EPHA3: variants seen among roughly 807,000 people sequenced by gnomAD.
EPHA3 encodes the protein ephrin type-A receptor 3.
In EPHA3, 42 loss-of-function variants were observed where a neutral mutation model predicts 107.1. The observed-to-expected ratio is 0.39, with a 90% confidence interval of 0.31 to 0.51. EPHA3 has a LOEUF of 0.51. Among genes scored for constraint, EPHA3 ranks in the 20% least tolerant of loss-of-function variants. The pLI, the probability that EPHA3 is intolerant of heterozygous loss-of-function variation, is 0.78. For missense variants in EPHA3, 1,183 were observed against 1,211.2 expected (o/e 0.98, Z 0.35); for synonymous variants, 461 against 424.8 (o/e 1.09, Z -1.05).
intron 3 of EPHA3, among the ~76,000 whole-genome samples, chr3:89,222,227 T>C (rs1704394777): frequency 6.6e-6 from 1 of 151,668 alleles, no homozygotes; most frequent in Non-Finnish European, 1.5e-5. Context: ...CATTATTAGC[T>C]TGACAGATCT....
chr3:89,310,811 T>C (rs1477415645), intron 3 of EPHA3, among the ~76,000 whole-genome samples: 1 of 152,042 alleles, frequency 6.6e-6, no homozygotes, highest in African/African-American at 2.4e-5. Flanking sequence ...TTAATTGGAA[T>C]GCGGATGTTT....
intron 3 of EPHA3, among the ~76,000 whole-genome samples, chr3:89,283,455 G>A (rs951900199): frequency 2.6e-5 from 4 of 152,046 alleles, no homozygotes; most frequent in South Asian, 2.1e-4. Flanking sequence ...ACTGAATTAC[G>A]TATTTTTACT....
chr3:89,268,917 C>T (rs1705598574), intron 3 of EPHA3, among the ~76,000 whole-genome samples: 1 of 151,096 alleles, frequency 6.6e-6, no homozygotes, highest in South Asian at 2.1e-4. Context: ...AAAAAAACAA[C>T]CTCAGGTCAA....
chr3:89,243,405 C>T (rs930301424), intron 3 of EPHA3, among the ~76,000 whole-genome samples: 1 of 152,148 alleles, frequency 6.6e-6, no homozygotes, highest in Non-Finnish European at 1.5e-5. Context: ...TCCACATCCT[C>T]TCTAGCACCT....
chr3:89,263,917 G>A (rs192294953), intron 3 of EPHA3, among the ~76,000 whole-genome samples: 1 of 151,954 alleles, frequency 6.6e-6, no homozygotes, highest in Admixed American at 6.6e-5. Context: ...GTTACATTCC[G>A]AAGTTTTAGG....
chr3:89,135,328 C>T (rs572924684), intron 2 of EPHA3, among the ~76,000 whole-genome samples: 4 of 152,248 alleles, frequency 2.6e-5, no homozygotes, highest in African/African-American at 9.6e-5. Context: ...TACATTAATG[C>T]AATCATTTGA....
chr3:89,443,121 C>T (rs1709815566), intron 13 of EPHA3, among the ~76,000 whole-genome samples: 1 of 152,060 alleles, frequency 6.6e-6, no homozygotes. Flanking sequence ...TAGCCTCATT[C>T]TACAAAGGGG....
At chr3:89,219,688 GTTT>G (rs1553666928) in intron 3 of EPHA3, among the ~76,000 whole-genome samples, 1,132 of 34,118 alleles carry the variant, frequency 0.033, 167 homozygotes, top group South Asian at 0.048. Context: ...ATTTGGCAAT[GTTT>G]TTTTTTTTTT....
chr3:89,148,792 A>G (rs763348997), intron 2 of EPHA3, among the ~76,000 whole-genome samples: 9 of 152,032 alleles, frequency 5.9e-5, no homozygotes, highest in South Asian at 2.1e-4. Context: ...ATTATTTTCA[A>G]TTCCTGTCAC....
At chr3:89,161,579 T>C (rs1704943063) in intron 2 of EPHA3, among the ~76,000 whole-genome samples, 1 of 152,094 alleles carries the variant, frequency 6.6e-6, no homozygotes, top group African/African-American at 2.4e-5. Flanking sequence ...ATTTAATTAG[T>C]TTTTTTACTG....
intron 3 of EPHA3, among the ~76,000 whole-genome samples, chr3:89,237,237 T>C (rs770845541): frequency 6.6e-6 from 1 of 152,184 alleles, no homozygotes; most frequent in South Asian, 2.1e-4. Flanking sequence ...CCTGGTGTGA[T>C]GGTGCGTGCC....
At chr3:89,397,808 T>C (rs150952194) in intron 6 of EPHA3, among the ~76,000 whole-genome samples, 1,720 of 152,218 alleles carry the variant, frequency 0.011, 38 homozygotes, top group African/African-American at 0.039. Flanking sequence ...GTCTTAAACT[T>C]GTGACCTCAG....
At chr3:89,362,129 T>G (rs1359312023) in intron 5 of EPHA3, among the ~76,000 whole-genome samples, 2 of 151,122 alleles carry the variant, frequency 1.3e-5, no homozygotes, top group Non-Finnish European at 3.0e-5. Context: ...TGTTTCGTTT[T>G]AAATAAGTGT....
At chr3:89,171,943 G>C (rs1705219178) in intron 2 of EPHA3, among the ~76,000 whole-genome samples, 1 of 152,056 alleles carries the variant, frequency 6.6e-6, no homozygotes, top group African/African-American at 2.4e-5. Flanking sequence ...CCTCTGTTTG[G>C]GTGGAAGGCT....
intron 7 of EPHA3, chr3:89,400,316 C>T (rs943010643): frequency 2.4e-5 from 4 of 163,270 alleles, no homozygotes; most frequent in East Asian, 1.6e-4. Context: ...CCATTCTCCC[C>T]CTCAGCCTCC....
At chr3:89,425,403 GT>G (rs71621549) in intron 11 of EPHA3, among the ~76,000 whole-genome samples, 56,922 of 136,324 alleles carry the variant, frequency 0.42, 11,801 homozygotes, top group African/African-American at 0.52. Flanking sequence ...TCCATCTCCC[GT>G]TTTTTTTTTT....
Position 89,445,672 on chromosome 3 carries a change from G to T in EPHA3, c.2347-3553G>T, listed in dbSNP as rs187608263. Reference sequence around the variant, plus strand: ...CCACTTCCTTATGCTTTCCCACAAGGGCAGCAACTGAACCCTTGATATAGT... The same window carrying T: ...CCACTTCCTTATGCTTTCCCACAAGTGCAGCAACTGAACCCTTGATATAGT... On this transcript the variant is annotated intron_variant, in intron 13 of 16. Transcript: ENST00000336596. Among the ~76,000 whole-genome samples, 5 of 152,166 alleles carry T rather than the reference G, an allele frequency of 3.3e-5. No homozygotes were observed. In the East Asian group the frequency reaches 9.7e-4, roughly 29 times the overall value.
At chr3:89,408,930 A>ATT (rs764512806) in intron 9 of EPHA3, among the ~76,000 whole-genome samples, 17 of 152,054 alleles carry the variant, frequency 1.1e-4, no homozygotes, top group Non-Finnish European at 2.1e-4. Flanking sequence ...AGTATTCACT[A>ATT]TTGCCTTCTA....
intron 7 of EPHA3, among the ~76,000 whole-genome samples, chr3:89,404,030 G>C (rs939787879): frequency 3.9e-5 from 6 of 152,054 alleles, no homozygotes; most frequent in Admixed American, 2.0e-4. Flanking sequence ...GATTTCATTG[G>C]ATATTATTAT....
Sources: allele counts gnomAD v4.1 joint callset (sites outside exome capture counted in the v4.1 genomes callset), GRCh38; gene constraint gnomAD v4.1.1; transcripts MANE v1.5; gene names NCBI Gene and HGNC (gene_info 2026-07-23, HGNC 2026-07-21).